RSRP1: variants seen among roughly 807,000 people sequenced by gnomAD.
RSRP1 encodes arginine/serine-rich protein 1.
In RSRP1, 37 loss-of-function variants were observed where a neutral mutation model predicts 33.0. The ratio of observed to expected loss-of-function variants is 1.12; its 90% CI spans 0.86 to 1.48. The LOEUF (loss-of-function observed/expected upper bound fraction) is 1.48. Among genes scored for constraint, RSRP1 ranks in the 40% most tolerant of loss-of-function variants. RSRP1 has a pLI of 0.00. For missense variants in RSRP1, 402 were observed against 385.3 expected (o/e 1.04, Z -0.36); for synonymous variants, 167 against 158.7 (o/e 1.05, Z -0.40).
At chr1:25,250,317 T>G (rs772990491), upstream of RSRP1, among the ~76,000 whole-genome samples, 2 of 152,020 alleles carry the variant, frequency 1.3e-5, no homozygotes, top group Non-Finnish European at 2.9e-5. Context: ...TGGATGTGCT[T>G]GGAGTCAGCT....
chr1:25,320,383 A>C (rs1644637359), intron 1 of RSRP1, among the ~76,000 whole-genome samples: 1 of 132,334 alleles, frequency 7.6e-6, no homozygotes, highest in Non-Finnish European at 1.8e-5. Flanking sequence ...CTCAGAAGAC[A>C]AAATATATTT....
intron 1 of RSRP1, among the ~76,000 whole-genome samples, chr1:25,310,063 C>T (rs1644060837): frequency 7.6e-6 from 1 of 132,302 alleles, no homozygotes; most frequent in Non-Finnish European, 1.8e-5. Flanking sequence ...TTTGATGAAT[C>T]TTCTGATATC....
Position 25,246,888 on chromosome 1 carries a change from C to A in RSRP1, c.76G>T (p.Gly26Trp). The A allele has an allele frequency of 6.2e-7, 1 of 1,606,378 alleles. No homozygotes were observed. Among genetic ancestry groups the A allele is most frequent in the South Asian group, 1.1e-5 (1 of 90,942 alleles). The change falls in exon 2 of 5, where the codon GGG becomes TGG. Residue 26 changes from glycine (G) to tryptophan (W), a missense_variant. By Grantham distance (184) the Gly-to-Trp change is radical. Coordinates refer to ENST00000243189, the MANE Select transcript of RSRP1 (RefSeq NM_020317.5). ...GACCGCGACGACAGCCGGCTGGACC[C>A]GCCCGACCGCGAGGTCGAGGGCGAA... ...KDSPSTSRSG[G>W]SSRLSSRSRS...
chr1:25,325,054 GA>G (rs1210700112), intron 1 of RSRP1, among the ~76,000 whole-genome samples: 1 of 46,720 alleles, frequency 2.1e-5, no homozygotes, highest in African/African-American at 1.1e-4. Flanking sequence ...TCTCAAAAGA[GA>G]AAAAAAAAGT....
At chr1:25,254,744 G>A (rs1639896306) in intron 1 of RSRP1, among the ~76,000 whole-genome samples, 1 of 152,090 alleles carries the variant, frequency 6.6e-6, no homozygotes, top group Non-Finnish European at 1.5e-5. Context: ...GAATAGTTCT[G>A]TATCACATCA....
At position 25,243,550 on chromosome 1, in the gene RSRP1, A is replaced by G. The variant is rs1296310876; in HGVS notation, c.756T>C (p.Asn252=). Residue 252 remains asparagine (N), a splice_region_variant and synonymous_variant, in exon 4 of 5, where the codon AAT becomes AAC. Coordinates refer to ENST00000243189, the MANE Select transcript of RSRP1 (RefSeq NM_020317.5). The part of the protein sequence containing the change: ...TQQRSIAFSS[N]NSVAKPIQKS... ...GTGTTCAATGCCTGGATATACTTAC[A>G]TTAGAGCTAAAAGCTATGCTTCTTT... 2 of 1,613,510 alleles carry G rather than the reference A, an allele frequency of 1.2e-6. No homozygotes were observed. The highest frequency in any genetic ancestry group is 1.3e-5 in the African/African-American group (1 of 74,926).
intron 1 of RSRP1, among the ~76,000 whole-genome samples, chr1:25,319,946 T>G (rs1207880319): frequency 7.6e-6 from 1 of 131,418 alleles, no homozygotes; most frequent in East Asian, 2.0e-4. Context: ...TTGCCCAGGC[T>G]GGAGTGCAAT....
At chr1:25,307,407 T>A (rs1220237808) in intron 1 of RSRP1, among the ~76,000 whole-genome samples, 1 of 131,998 alleles carries the variant, frequency 7.6e-6, no homozygotes, top group East Asian at 2.0e-4. Context: ...TGGACATGGC[T>A]TATATAAAAT....
intron 1 of RSRP1, among the ~76,000 whole-genome samples, chr1:25,255,261 T>G (rs1438964190): frequency 6.6e-6 from 1 of 152,198 alleles, no homozygotes; most frequent in African/African-American, 2.4e-5. Context: ...GAAGGTTATA[T>G]GCAGTCTACT....
chr1:25,334,740 T>G (rs1476950629), intron 1 of RSRP1, among the ~76,000 whole-genome samples: 1 of 133,214 alleles, frequency 7.5e-6, no homozygotes, highest in Non-Finnish European at 1.8e-5. Flanking sequence ...CAACACCACA[T>G]GGAAGCTGTC....
Position 25,246,425 on chromosome 1 carries a change from A to AG in RSRP1, c.520+18dup, listed in dbSNP as rs1334334405. The AG allele has an allele frequency of 1.2e-6, 2 of 1,606,744 alleles. No homozygotes were observed. Among genetic ancestry groups the AG allele is most frequent in the Admixed American group, 3.3e-5 (2 of 59,848 alleles). On this transcript the variant is annotated intron_variant, in intron 2 of 4. Transcript: ENST00000243189. ...CCACCATACATTACCACAAATGGAAAGGTAAATGACCCACCCACCTTTTTC... is the reference window on the plus strand; with the variant it reads ...CCACCATACATTACCACAAATGGAAAGGGTAAATGACCCACCCACCTTTTTC...
intron 1 of RSRP1, among the ~76,000 whole-genome samples, chr1:25,271,439 C>T (rs1173625320): frequency 7.6e-6 from 1 of 132,064 alleles, no homozygotes; most frequent in East Asian, 1.9e-4. Flanking sequence ...CAGCTCCTGG[C>T]CCTGGCTTTA....
At chr1:25,276,072 C>A (rs1369940323) in intron 1 of RSRP1, among the ~76,000 whole-genome samples, 2 of 131,750 alleles carry the variant, frequency 1.5e-5, no homozygotes, top group African/African-American at 5.2e-5. Context: ...ATTATTCAAA[C>A]CTGCCAATTC....
At position 25,294,326 on chromosome 1, in the gene RSRP1, G is replaced by A. The variant is rs1458459748; in HGVS notation, c.-67+43652C>T. On this transcript the variant is annotated intron_variant, in intron 1 of 1. Transcript: ENST00000561867. ...CATAATCAGTAACAACTTGTCCAAG[G>A]CCCCAGTGACCATGAAGAGTGAGGG... 9.5e-6 allele frequency: 11 copies of A among 1,161,210 alleles called. 4 individuals carry two copies. Among genetic ancestry groups the A allele is most frequent in the Admixed American group, 3.6e-5 (2 of 55,610 alleles). 71.9% of individuals were successfully genotyped at this position (1,161,210 alleles called of 1,614,324 possible).
upstream of RSRP1, among the ~76,000 whole-genome samples, chr1:25,250,444 T>A (rs1170014320): frequency 6.6e-6 from 1 of 152,244 alleles, no homozygotes; most frequent in Non-Finnish European, 1.5e-5. Flanking sequence ...AGGTAGGGTA[T>A]CACAACAAGT....
At position 25,258,180 on chromosome 1, in the gene RSRP1, ATTAT is replaced by A. The variant is rs58528021; in HGVS notation, c.-66-11155_-66-11152del. Among the ~76,000 whole-genome samples, 6 of 151,702 alleles carry A rather than the reference ATTAT, an allele frequency of 4.0e-5. No homozygotes were observed. In the East Asian group the frequency reaches 9.7e-4, roughly 25 times the overall value. On this transcript the variant is annotated intron_variant, in intron 1 of 1. Transcript: ENST00000561867. ...CTACACTACAAAAATGCATAATCTCATTATTTATTTATTTATTTGAGACAGAGTC... is the reference window on the plus strand; with the variant it reads ...CTACACTACAAAAATGCATAATCTCATTATTTATTTATTTGAGACAGAGTC...
At chr1:25,337,339 C>T (rs1239454303) in intron 1 of RSRP1, 3 of 151,628 alleles carry the variant, frequency 2.0e-5, no homozygotes, top group Non-Finnish European at 2.9e-5. Context: ...GCAAGGAGAC[C>T]TCGACCCTGC....
At chr1:25,247,809 C>G (rs1032188473), upstream of RSRP1, 3 of 152,486 alleles carry the variant, frequency 2.0e-5, no homozygotes, top group African/African-American at 7.2e-5. Context: ...ACGTCAGTGC[C>G]GGGCGGGGAG....
At chr1:25,277,142 C>T (rs1641085937) in intron 1 of RSRP1, among the ~76,000 whole-genome samples, 1 of 132,950 alleles carries the variant, frequency 7.5e-6, no homozygotes, top group African/African-American at 2.6e-5. Context: ...TAGAGAAATG[C>T]ATATCAAATC....
Sources: gnomAD v4.1 joint callset for allele counts (sites outside exome capture counted in the v4.1 genomes callset) on GRCh38, gnomAD v4.1.1 for gene constraint, MANE v1.5 for transcripts, NCBI Gene and HGNC (gene_info 2026-07-23, HGNC 2026-07-21) for gene names.